SDAD1: variants seen among roughly 807,000 people sequenced by gnomAD.
SDAD1 encodes SDA1 domain containing 1.
A neutral mutation model predicts 100.3 loss-of-function variants in SDAD1; 79 were observed. The ratio of observed to expected loss-of-function variants is 0.79; its 90% CI spans 0.66 to 0.95. SDAD1 has a LOEUF of 0.95. Among genes scored for constraint, SDAD1 ranks in the 40% least tolerant of loss-of-function variants. SDAD1 has a pLI of 0.00. For missense variants in SDAD1, 790 were observed against 810.9 expected (o/e 0.97, Z 0.31); for synonymous variants, 267 against 271.4 (o/e 0.98, Z 0.16).
chr4:75,980,253 G>A (rs924669690), intron 3 of SDAD1, among the ~76,000 whole-genome samples: 5 of 152,110 alleles, frequency 3.3e-5, no homozygotes, highest in Non-Finnish European at 7.4e-5. Flanking sequence ...TGACAACCCA[G>A]GGCCTGAAAC....
rs1192993657 is a variant in SDAD1 at position 75,990,916 on chromosome 4, G to A, written c.-75C>T. ...GGCCGGCACCCCGCAATCCCTGCCA[G>A]CTGCAGCTTGGACTCGTGTTTCCGG... On this transcript the variant is annotated 5_prime_UTR_variant, in exon 1 of 22. Transcript: ENST00000356260. 1 of 1,571,724 alleles carries A rather than the reference G, an allele frequency of 6.4e-7. No homozygotes were observed. Among genetic ancestry groups the A allele is most frequent in the Non-Finnish European group, 8.7e-7 (1 of 1,145,510 alleles).
At chr4:75,982,207 C>G (rs1024064555) in intron 1 of SDAD1, among the ~76,000 whole-genome samples, 170 bp from the exon 2 acceptor site, 1 of 152,162 alleles carries the variant, frequency 6.6e-6, no homozygotes, top group Non-Finnish European at 1.5e-5. Context: ...CTTCAAAGTG[C>G]GCTTTTTAAA....
chr4:75,968,640 TAAAC>T (rs1490515512), intron 11 of SDAD1, among the ~76,000 whole-genome samples: 1 of 152,154 alleles, frequency 6.6e-6, no homozygotes, highest in African/African-American at 2.4e-5. Flanking sequence ...CAAGAAGAGT[TAAAC>T]AAACAGTGAG....
chr4:75,960,908 T>C, intron 16 of SDAD1, 120 bp downstream of exon 16: 1 of 797,994 alleles, frequency 1.3e-6, no homozygotes, highest in Non-Finnish European at 2.2e-6. Context: ...TACAACCGTG[T>C]GCATCATAAC....
At chr4:75,988,176 C>G (rs553696943) in intron 1 of SDAD1, among the ~76,000 whole-genome samples, 1 of 152,288 alleles carries the variant, frequency 6.6e-6, no homozygotes, top group South Asian at 2.1e-4. Flanking sequence ...CTCCTACATA[C>G]AGTCTATCCT....
At chr4:75,953,269 T>C (rs148850426) in intron 21 of SDAD1, among the ~76,000 whole-genome samples, 88 of 152,238 alleles carry the variant, frequency 5.8e-4, no homozygotes, top group African/African-American at 2.1e-3. Flanking sequence ...AGCTGGGCTT[T>C]CCCTTCATGC....
chr4:75,985,041 T>C (rs1730806799), intron 1 of SDAD1, among the ~76,000 whole-genome samples: 1 of 152,128 alleles, frequency 6.6e-6, no homozygotes, highest in African/African-American at 2.4e-5. Context: ...CTCCACTGAA[T>C]AGGAGTGAGG....
At chr4:75,990,708 CATCCACT>C in intron 1 of SDAD1, 37 bp downstream of exon 1, 1 of 1,612,368 alleles carries the variant, frequency 6.2e-7, no homozygotes, top group Non-Finnish European at 8.5e-7. Flanking sequence ...GCGTCTCAAC[CATCCACT>C]ATCCGGCCTC....
intron 21 of SDAD1, among the ~76,000 whole-genome samples, chr4:75,955,321 C>T (rs954281237): frequency 6.6e-6 from 1 of 152,174 alleles, no homozygotes; most frequent in Non-Finnish European, 1.5e-5. Context: ...GCATTGGCAG[C>T]ATCGCAGGAC....
rs201173278 is a variant in SDAD1 at position 75,973,399 on chromosome 4, C to A, written c.637-8G>T. ...CAAAGCGGCAACTAATATCTAAACA[C>A]CAATGAGAAAAAAGTCAGCTACTTG... is the stretch of plus-strand genomic sequence containing the variant. On this transcript the variant is annotated splice_polypyrimidine_tract_variant and splice_region_variant and intron_variant, in intron 7 of 21. Transcript: ENST00000356260. The A allele has an allele frequency of 7.8e-5, 126 of 1,609,448 alleles. 1 individual carries two copies. The highest frequency in any genetic ancestry group is 1.4e-5 in the Non-Finnish European group (17 of 1,176,436).
chr4:75,971,530 G>T, intron 8 of SDAD1, 72 bp from the exon 9 acceptor site: 1 of 1,105,598 alleles, frequency 9.0e-7, no homozygotes, highest in Non-Finnish European at 1.4e-6. Flanking sequence ...AAACCTTTCA[G>T]CCACTTCTTC....
intron 17 of SDAD1, among the ~76,000 whole-genome samples, chr4:75,958,356 C>T (rs533430970): frequency 1.0e-3 from 157 of 152,294 alleles, no homozygotes; most frequent in Middle Eastern, 3.4e-3. Context: ...ATCCTGGCCA[C>T]GCAGCAGGCA....
Position 75,978,252 on chromosome 4 carries a change from T to G in SDAD1, c.295-496A>C, listed in dbSNP as rs978583088. ...GCCCCCCGCCTTTTTTTTTTTTTTT[T>G]TTTGAGACGGGTCTCGCTATATTGC... On this transcript the variant is annotated intron_variant, in intron 3 of 21. Transcript: ENST00000356260. 3.3e-5 allele frequency among the ~76,000 whole-genome samples: 5 copies of G among 151,496 alleles called. No homozygotes were observed. In the East Asian group the frequency reaches 9.7e-4, roughly 29 times the overall value.
chr4:75,952,264 T>G (rs1728662153), intron 21 of SDAD1, among the ~76,000 whole-genome samples: 1 of 152,248 alleles, frequency 6.6e-6, no homozygotes, highest in Admixed American at 6.5e-5. Flanking sequence ...AGCCCTGGAA[T>G]AGTGAAGTCT....
chr4:75,968,187 C>T (rs1407772544), intron 11 of SDAD1, among the ~76,000 whole-genome samples: 1 of 152,158 alleles, frequency 6.6e-6, no homozygotes, highest in Non-Finnish European at 1.5e-5. Context: ...AGAGCTCAAA[C>T]TCAGTCTGAA....
At chr4:75,956,305 A>C (rs1297609122) in intron 20 of SDAD1, among the ~76,000 whole-genome samples, 169 bp from the exon 21 acceptor site, 1 of 152,162 alleles carries the variant, frequency 6.6e-6, no homozygotes. Flanking sequence ...ATACAGTATT[A>C]TAACAGAGCA....
At position 75,972,338 on chromosome 4, in the gene SDAD1, G is replaced by A. The variant is rs888668724; in HGVS notation, c.712-880C>T. 5.3e-5 allele frequency among the ~76,000 whole-genome samples: 8 copies of A among 150,888 alleles called. No homozygotes were observed. In the East Asian group the frequency reaches 9.7e-4, roughly 18 times the overall value. On this transcript the variant is annotated intron_variant, in intron 8 of 21. Coordinates refer to ENST00000356260, the MANE Select transcript of SDAD1 (RefSeq NM_018115.4). The stretch of plus-strand genomic sequence containing the variant: ...ATTCTTCACAGTAAACCTTGCTACT[G>A]CTCACTCTTTAGGTCCGTGCCATCT...
chr4:75,990,815 A>G lies in SDAD1; in HGVS notation c.27T>C (p.Leu9=), dbSNP rs1578160367. 6.2e-7 allele frequency: 1 copy of G among 1,613,904 alleles called. No individual in the cohort carries two copies. The highest frequency in any genetic ancestry group is 8.5e-7 in the Non-Finnish European group (1 of 1,179,976). MSNRNNNK[L]PSNLPQLQNL... is the part of the protein sequence containing the mutation. The stretch of plus-strand genomic sequence containing the variant: ...TCTGTAACTGCGGCAGGTTGCTGGG[A>G]AGCTTGTTGTTGTTTCTGTTGGACA... Residue 9 remains leucine (L), a synonymous_variant, in exon 1 of 22, where the codon CTT becomes CTC. Coordinates refer to ENST00000356260, the MANE Select transcript of SDAD1 (RefSeq NM_018115.4).
intron 1 of SDAD1, among the ~76,000 whole-genome samples, chr4:75,984,783 AC>A (rs1273671523): frequency 3.7e-4 from 49 of 132,058 alleles, no homozygotes; most frequent in African/African-American, 1.5e-3. Flanking sequence ...ACACAAACAC[AC>A]ACACACACAC....
Sources: allele counts gnomAD v4.1 joint callset (sites outside exome capture counted in the v4.1 genomes callset), GRCh38; gene constraint gnomAD v4.1.1; transcripts MANE v1.5; gene names NCBI Gene and HGNC (gene_info 2026-07-23, HGNC 2026-07-21).